The following TFEC variants were observed in gnomAD, a reference collection of about 807,000 sequenced individuals.
TFEC encodes transcription factor EC, also known as class E basic helix-loop-helix protein 34.
TFEC carries 31 observed loss-of-function variants against 41.6 expected under a neutral mutation model. The observed-to-expected ratio is 0.74, with a 90% CI of 0.56 to 1.01. TFEC has a LOEUF of 1.01. Among genes scored for constraint, TFEC ranks in the 50% least tolerant of loss-of-function variants. TFEC has a pLI of 0.00. For synonymous variants in TFEC, 143 were observed against 140.6 expected (o/e 1.02, Z -0.12); for missense variants, 402 against 404.1 (o/e 0.99, Z 0.04).
At chr7:116,073,804 A>G (rs1334120084) in intron 3 of TFEC, among the ~76,000 whole-genome samples, 2 of 151,992 alleles carry the variant, frequency 1.3e-5, no homozygotes, top group Non-Finnish European at 2.9e-5. Context: ...AGGTCAATGG[A>G]CTACAATAGA....
chr7:115,941,096 G>T, intron 7 of TFEC, 165 bp from the exon 8 acceptor site: 1 of 689,962 alleles, frequency 1.4e-6, no homozygotes, highest in Non-Finnish European at 2.3e-6. Flanking sequence ...ATACATTTCT[G>T]ATGCATGAAA....
In TFEC at chr7:116,073,460, T is replaced by G. The variant is rs182474776; in HGVS notation, c.198+37248A>C. On this transcript the variant is annotated intron_variant, in intron 3 of 8. Transcript: ENST00000484212. Reference sequence around the variant, plus strand: ...AAACTTGGAGTATTTTTCTTTTTTTTTTTATTATACTTTAAGTTCTGGGAT... The same window carrying G: ...AAACTTGGAGTATTTTTCTTTTTTTGTTTATTATACTTTAAGTTCTGGGAT... 3.3e-5 allele frequency among the ~76,000 whole-genome samples: 5 copies of G among 151,962 alleles called. No individual in the cohort carries two copies. In the East Asian group the frequency reaches 9.7e-4, roughly 29 times the overall value.
intron 1 of TFEC, among the ~76,000 whole-genome samples, chr7:116,147,480 A>G (rs10275388): frequency 0.49 from 74,936 of 151,826 alleles, 19,150 homozygotes; most frequent in East Asian, 0.7. Flanking sequence ...ATGTATACAT[A>G]TGCCATGTTG....
At chr7:116,140,898 T>C (rs542938101) in intron 1 of TFEC, among the ~76,000 whole-genome samples, 6 of 152,316 alleles carry the variant, frequency 3.9e-5, no homozygotes, top group Admixed American at 3.3e-4. Flanking sequence ...CTCAAGGAAT[T>C]TGCAATCTAG....
intron 3 of TFEC, among the ~76,000 whole-genome samples, chr7:116,054,709 CA>C (rs1796388436): frequency 6.6e-6 from 1 of 151,914 alleles, no homozygotes. Context: ...ATACGTACAC[CA>C]AAAAATTATT....
At chr7:116,013,279 C>G (rs374930894) in intron 1 of TFEC, among the ~76,000 whole-genome samples, 15 of 152,056 alleles carry the variant, frequency 9.9e-5, no homozygotes, top group African/African-American at 3.4e-4. Flanking sequence ...AATCAAATTC[C>G]TCAAGTACTG....
chr7:115,991,476 G>T (rs1038276516), intron 1 of TFEC, among the ~76,000 whole-genome samples: 18 of 152,098 alleles, frequency 1.2e-4, no homozygotes, highest in African/African-American at 3.9e-4. Context: ...GTATTCAGGA[G>T]ACCCATCTCA....
chr7:115,962,884 G>T (rs924141944), intron 3 of TFEC, among the ~76,000 whole-genome samples: 10 of 151,984 alleles, frequency 6.6e-5, no homozygotes, highest in Non-Finnish European at 1.5e-4. Context: ...TTAAGTTCTA[G>T]GGTACATATG....
intron 1 of TFEC, among the ~76,000 whole-genome samples, chr7:116,139,815 AC>A (rs1473718237): frequency 6.6e-6 from 1 of 152,176 alleles, no homozygotes; most frequent in African/African-American, 2.4e-5. Context: ...AAGATAAATC[AC>A]CAGATGATGG....
chr7:116,071,111 C>T lies in TFEC; in HGVS notation c.198+39597G>A, dbSNP rs116137095. Reference sequence around the variant, plus strand: ...TTTATTTGGTTATTGTATAAGAAAACGATTTTTAAAATGAGATATTTTGAG... The same window carrying T: ...TTTATTTGGTTATTGTATAAGAAAATGATTTTTAAAATGAGATATTTTGAG... On this transcript the variant is annotated intron_variant, in intron 3 of 8. Coordinates refer to the TFEC transcript ENST00000484212. Among the ~76,000 whole-genome samples the T allele has an allele frequency of 4.8e-3, 721 of 151,020 alleles. 5 individuals are homozygous for T. Among genetic ancestry groups the T allele is most frequent in the African/African-American group, 0.016 (677 of 41,388 alleles).
intron 1 of TFEC, among the ~76,000 whole-genome samples, chr7:115,999,061 CAAG>C (rs1310562027): frequency 6.6e-6 from 1 of 151,950 alleles, no homozygotes; most frequent in Non-Finnish European, 1.5e-5. Context: ...TGATCATTCT[CAAG>C]GAGAGACCAC....
intron 3 of TFEC, among the ~76,000 whole-genome samples, chr7:116,096,954 G>A (rs1797476424): frequency 2.0e-5 from 3 of 152,072 alleles, no homozygotes; most frequent in South Asian, 2.1e-4. Context: ...GCTGAGCGTG[G>A]TGCCGCATGC....
intron 3 of TFEC, among the ~76,000 whole-genome samples, chr7:116,062,745 G>C (rs933313683): frequency 1.3e-5 from 2 of 151,826 alleles, no homozygotes; most frequent in Non-Finnish European, 2.9e-5. Context: ...CTAATAGTGG[G>C]ATTGCTGGAT....
intron 3 of TFEC, among the ~76,000 whole-genome samples, chr7:116,097,438 A>T (rs1310972837): frequency 6.6e-6 from 1 of 152,232 alleles, no homozygotes; most frequent in African/African-American, 2.4e-5. Flanking sequence ...ACAATATGCC[A>T]ACATCAATAT....
chr7:116,064,271 T>G (rs1220962673), intron 3 of TFEC, among the ~76,000 whole-genome samples: 1 of 151,980 alleles, frequency 6.6e-6, no homozygotes, highest in Admixed American at 6.6e-5. Flanking sequence ...GCATATTTAA[T>G]TAGCTTGATG....
intron 3 of TFEC, among the ~76,000 whole-genome samples, chr7:115,960,854 C>A (rs958672379): frequency 9.2e-5 from 14 of 151,414 alleles, no homozygotes; most frequent in African/African-American, 3.4e-4. Flanking sequence ...AGATGATATC[C>A]ATGGGGAAAC....
chr7:116,142,876 ACTAT>A (rs1486491925), intron 1 of TFEC, among the ~76,000 whole-genome samples: 1 of 152,162 alleles, frequency 6.6e-6, no homozygotes, highest in Non-Finnish European at 1.5e-5. Flanking sequence ...AAAAGTCCTA[ACTAT>A]CAATAATAAA....
intron 1 of TFEC, among the ~76,000 whole-genome samples, chr7:116,008,576 G>A (rs555869372): frequency 2.5e-4 from 38 of 152,182 alleles, no homozygotes; most frequent in South Asian, 1.0e-3. Flanking sequence ...TCTATTTTGG[G>A]GGGCTTATGA....
chr7:116,116,471 A>G (rs573174929), intron 1 of TFEC, among the ~76,000 whole-genome samples: 1 of 152,014 alleles, frequency 6.6e-6, no homozygotes, highest in South Asian at 2.1e-4. Flanking sequence ...ACCAATGAAA[A>G]AGGCTGCCCC....
Sources: allele counts gnomAD v4.1 joint callset (sites outside exome capture counted in the v4.1 genomes callset), GRCh38; gene constraint gnomAD v4.1.1; transcripts MANE v1.5; gene names NCBI Gene and HGNC (gene_info 2026-07-23, HGNC 2026-07-21).